The following ZNF385A variants were observed in gnomAD, a reference collection of about 807,000 sequenced individuals.
The protein encoded by ZNF385A is hematopoietic zinc finger protein.
In ZNF385A, 14 loss-of-function variants were observed where a neutral mutation model predicts 32.1. The observed-to-expected ratio is 0.44, with a 90% CI of 0.29 to 0.68. The LOEUF (loss-of-function observed/expected upper bound fraction) is 0.68. Among genes scored for constraint, ZNF385A ranks in the 30% least tolerant of loss-of-function variants. The probability of loss-of-function intolerance (pLI) is 0.14; values close to 1 mark genes in which losing one functional copy is unlikely to be tolerated. For synonymous variants in ZNF385A, 197 were observed against 202.7 expected, an observed-to-expected ratio of 0.97 and a Z score of 0.24; for missense variants, 406 against 478.4, an observed-to-expected ratio of 0.85 and a Z score of 1.41.
chr12:54,380,919 C>T (rs1223603386), intron 1 of ZNF385A, among the ~76,000 whole-genome samples: 5 of 151,936 alleles, frequency 3.3e-5, no homozygotes, highest in African/African-American at 7.3e-5. Flanking sequence ...AAAAATTGGC[C>T]GGGCGCAGTG....
At position 54,370,113 on chromosome 12, in the gene ZNF385A, T is replaced by G; in HGVS notation, c.*143A>C. 2 of 675,436 alleles carry G rather than the reference T, an allele frequency of 3.0e-6. No homozygotes were observed. The highest frequency in any genetic ancestry group is 4.5e-6 in the Non-Finnish European group (2 of 446,136). 41.8% of individuals were successfully genotyped at this position (675,436 alleles called of 1,614,324 possible). A position where few individuals can be genotyped will look rare whatever the true frequency, so the allele number is the denominator to read the frequency against. ...CCCCCTCCCCCGCTACCCCTCCCCT[T>G]TCCTGGAACCCCGTATCTCGGGGTG... On this transcript the variant is annotated 3_prime_UTR_variant, in exon 7 of 7. Coordinates refer to ENST00000394313, the MANE Select transcript of ZNF385A (RefSeq NM_015481.3). This position sits in a 1 kb window ranked among gnomAD's most constrained non-coding sequence, Gnocchi z 5.5.
rs1954419238 is a variant in ZNF385A, at chr12:54,369,834, G to A, written c.*422C>T. The A allele has an allele frequency of 6.3e-6, 1 of 157,880 alleles. No individual in the cohort carries two copies. Among genetic ancestry groups the A allele is most frequent in the Admixed American group, 6.5e-5 (1 of 15,436 alleles). 9.8% of individuals were successfully genotyped at this position (157,880 alleles called of 1,614,324 possible). A position where few individuals can be genotyped will look rare whatever the true frequency, so the allele number is the denominator to read the frequency against. On this transcript the variant is annotated 3_prime_UTR_variant, in exon 7 of 7. Transcript: ENST00000394313. ...GTGTTCACGGAAGCGCTTCAGTTTG[G>A]GGTAGGGAGCCGGAGTCCCAGAGTC...
upstream of ZNF385A, among the ~76,000 whole-genome samples, chr12:54,386,838 G>A (rs1356753897): frequency 6.6e-6 from 1 of 152,234 alleles, no homozygotes; most frequent in East Asian, 1.9e-4. Flanking sequence ...TATGTGCCAG[G>A]TAATGAATTC....
Position 54,374,029 on chromosome 12 carries a change from T to G in ZNF385A, c.305A>C (p.Asp102Ala), listed in dbSNP as rs772526402. ...TGGGGTGCTGCCTGGGGGAGCTGGGTCTCCAGGTTCTCGGACGCCAGGCTC... is the reference window on the plus strand; with the variant it reads ...TGGGGTGCTGCCTGGGGGAGCTGGGGCTCCAGGTTCTCGGACGCCAGGCTC... ...GREPGVREPG[D>A]PAPPGSTPTN... Residue 102 changes from aspartate to alanine, a missense_variant, in exon 3 of 7, where the codon GAC becomes GCC. Physicochemically the swap from Asp to Ala is moderately radical, Grantham distance 126. Coordinates refer to ENST00000394313, the MANE Select transcript of ZNF385A (RefSeq NM_015481.3). 4 of 1,598,146 alleles carry G rather than the reference T, an allele frequency of 2.5e-6. No individual in the cohort carries two copies. The highest frequency in any genetic ancestry group is 2.6e-6 in the Non-Finnish European group (3 of 1,169,688).
In ZNF385A at chr12:54,370,140, G is replaced by GA. The variant is rs1490029229; in HGVS notation, c.*115_*116insT. 2 of 782,612 alleles carry GA rather than the reference G, an allele frequency of 2.6e-6. No homozygotes were observed. The highest frequency in any genetic ancestry group is 3.6e-6 in the Non-Finnish European group (2 of 547,964). 48.5% of individuals were successfully genotyped at this position (782,612 alleles called of 1,614,324 possible). On this transcript the variant is annotated 3_prime_UTR_variant, in exon 7 of 7. Transcript: ENST00000394313. This position sits in a 1 kb window ranked among gnomAD's most constrained non-coding sequence, Gnocchi z 5.5. ...CCTGGAACCCCGTATCTCGGGGTGG[G>GA]GGGGGGGAAGGAGAGATCATTTAGG...
chr12:54,387,637 C>T (rs1955527830), upstream of ZNF385A, among the ~76,000 whole-genome samples: 1 of 152,230 alleles, frequency 6.6e-6, no homozygotes, highest in Admixed American at 6.5e-5. Flanking sequence ...AGTCTCATTT[C>T]TCATCTGTCA....
chr12:54,385,500 G>A (rs1316102232), upstream of ZNF385A, among the ~76,000 whole-genome samples: 1 of 152,184 alleles, frequency 6.6e-6, no homozygotes, highest in African/African-American at 2.4e-5. Flanking sequence ...ACCAGCTGGG[G>A]AGTTCTGGCC....
At chr12:54,371,997 G>C (rs1954578984) in intron 3 of ZNF385A, among the ~76,000 whole-genome samples, 1 of 152,208 alleles carries the variant, frequency 6.6e-6, no homozygotes, top group Non-Finnish European at 1.5e-5. Context: ...AGCCAGCCCA[G>C]CCAGGGGGAG....
At chr12:54,384,894 C>T, upstream of ZNF385A, 1 of 1,071,006 alleles carries the variant, frequency 9.3e-7, no homozygotes, top group African/African-American at 1.6e-5. Flanking sequence ...CAGCAGGACT[C>T]CCAGCCTCAA....
chr12:54,389,775 G>A (rs536510828), intron 1 of ZNF385A, among the ~76,000 whole-genome samples: 1 of 152,202 alleles, frequency 6.6e-6, no homozygotes, highest in East Asian at 1.9e-4. Flanking sequence ...TGCTGGTGGG[G>A]GTCACTCTAG....
At chr12:54,391,143 C>A in intron 1 of ZNF385A, 2 of 1,373,278 alleles carry the variant, frequency 1.5e-6, no homozygotes, top group Non-Finnish European at 1.9e-6. Flanking sequence ...GCCGCAGTCA[C>A]CGCGGTGCCG....
intron 4 of ZNF385A, 139 bp from the exon 5 acceptor site, chr12:54,371,235 T>C (rs1316806944): frequency 1.8e-6 from 2 of 1,132,212 alleles, no homozygotes; most frequent in East Asian, 2.4e-5. Flanking sequence ...ACTAAGCTCC[T>C]TGGGACCCTC....
chr12:54,374,919 A>G (rs1390476159), intron 2 of ZNF385A, among the ~76,000 whole-genome samples: 1 of 151,692 alleles, frequency 6.6e-6, no homozygotes, highest in Non-Finnish European at 1.5e-5. Flanking sequence ...ACCCTGCTCC[A>G]CTCCCATGTA....
chr12:54,369,641 C>T lies in ZNF385A; in HGVS notation c.*615G>A, dbSNP rs1167792157. The T allele has an allele frequency of 1.3e-5, 2 of 152,772 alleles. No homozygotes were observed. Among genetic ancestry groups the T allele is most frequent in the African/African-American group, 4.8e-5 (2 of 41,448 alleles). The allele number at this position is 152,772 out of a possible 1,614,324, so 9.5% of individuals were successfully genotyped here. ...TATGGTGGCATCTCCTTGGTCCCAC[C>T]CAAGTGCCGGAGATGCCCCCAAGTG... is the stretch of plus-strand genomic sequence containing the variant. On this transcript the variant is annotated 3_prime_UTR_variant, in exon 7 of 7. Transcript: ENST00000394313.
At chr12:54,382,382 A>G (rs376608748) in intron 1 of ZNF385A, among the ~76,000 whole-genome samples, 15 of 152,138 alleles carry the variant, frequency 9.9e-5, no homozygotes, top group African/African-American at 3.4e-4. Flanking sequence ...CCCAGTCTGA[A>G]AACTTAAAAG....
At chr12:54,382,319 C>T (rs1437142702) in intron 1 of ZNF385A, among the ~76,000 whole-genome samples, 1 of 151,956 alleles carries the variant, frequency 6.6e-6, no homozygotes, top group Non-Finnish European at 1.5e-5. Flanking sequence ...TGTGATCCGC[C>T]TGCCTCGGCC....
chr12:54,384,219 G>A (rs1472647044), intron 1 of ZNF385A, among the ~76,000 whole-genome samples: 4 of 152,150 alleles, frequency 2.6e-5, no homozygotes, highest in East Asian at 1.9e-4. Flanking sequence ...TGTCTGGCCC[G>A]TAGCAAGACC....
chr12:54,387,277 G>A (rs1022570791), upstream of ZNF385A, among the ~76,000 whole-genome samples: 2 of 152,114 alleles, frequency 1.3e-5, no homozygotes, highest in Admixed American at 6.5e-5. Flanking sequence ...CTGGGTGAGC[G>A]GGGGAGGGGA....
At chr12:54,383,377 G>A (rs1955298979) in intron 1 of ZNF385A, among the ~76,000 whole-genome samples, 1 of 151,552 alleles carries the variant, frequency 6.6e-6, no homozygotes, top group African/African-American at 2.4e-5. Flanking sequence ...GGTCACCATG[G>A]CCTGTCAATA....
Sources: allele counts gnomAD v4.1 joint callset (sites outside exome capture counted in the v4.1 genomes callset), GRCh38; gene constraint gnomAD v4.1.1; non-coding constraint Gnocchi (gnomAD v3.1); transcripts MANE v1.5; gene names NCBI Gene and HGNC (gene_info 2026-07-23, HGNC 2026-07-21).